ANO6: variants seen among roughly 807,000 people sequenced by gnomAD.
ANO6 encodes the protein anoctamin-6.
In ANO6, 106 loss-of-function variants were observed where a neutral mutation model predicts 117.5. That is an observed-to-expected ratio of 0.90 (90% CI 0.77 to 1.06). The LOEUF (loss-of-function observed/expected upper bound fraction) is 1.06. Among genes scored for constraint, ANO6 ranks in the 50% least tolerant of loss-of-function variants. The probability of loss-of-function intolerance (pLI) is 0.00; values close to 1 mark genes in which losing one functional copy is unlikely to be tolerated. For missense variants in ANO6, 955 were observed against 1,121.1 expected (o/e 0.85, Z 2.12); for synonymous variants, 367 against 385.1 (o/e 0.95, Z 0.55).
chr12:45,351,910 G>A (rs1941290033), intron 7 of ANO6, among the ~76,000 whole-genome samples: 1 of 152,042 alleles, frequency 6.6e-6, no homozygotes, highest in African/African-American at 2.4e-5. Context: ...GGATTATAAG[G>A]GGTACAGGGA....
At chr12:45,270,516 C>A in intron 1 of ANO6, 1 of 1,206,422 alleles carries the variant, frequency 8.3e-7, no homozygotes, top group Non-Finnish European at 1.2e-6. Context: ...CACCTCCCAT[C>A]CAGCCTGGGT....
At chr12:45,313,789 G>A (rs140950587) in intron 2 of ANO6, among the ~76,000 whole-genome samples, 464 of 152,170 alleles carry the variant, frequency 3.0e-3, no homozygotes, top group Non-Finnish European at 5.9e-3. Context: ...AAATAAATAT[G>A]TTGAGCACTT....
chr12:45,345,950 G>A (rs1329497068), intron 3 of ANO6, among the ~76,000 whole-genome samples: 1 of 150,302 alleles, frequency 6.7e-6, no homozygotes, highest in Non-Finnish European at 1.5e-5. Flanking sequence ...CCACGGTGGT[G>A]GGGGAGAGAG....
intron 15 of ANO6, among the ~76,000 whole-genome samples, chr12:45,408,646 T>G (rs1195165308): frequency 4.6e-5 from 7 of 152,164 alleles, no homozygotes; most frequent in Non-Finnish European, 7.3e-5. Context: ...TGGACCTATT[T>G]TATCTAAAGT....
At chr12:45,244,944 C>T (rs945558633) in intron 1 of ANO6, among the ~76,000 whole-genome samples, 80 of 152,136 alleles carry the variant, frequency 5.3e-4, no homozygotes, top group African/African-American at 1.6e-3. Flanking sequence ...AAAGGTTCAG[C>T]GGTATCCCTA....
At chr12:45,418,684 C>G (rs756130291) in intron 17 of ANO6, among the ~76,000 whole-genome samples, 1 of 152,144 alleles carries the variant, frequency 6.6e-6, no homozygotes, top group Non-Finnish European at 1.5e-5. Context: ...TGCCATGGCT[C>G]TACTCCATGA....
At chr12:45,239,114 T>C (rs1052313176) in intron 1 of ANO6, among the ~76,000 whole-genome samples, 1 of 152,240 alleles carries the variant, frequency 6.6e-6, no homozygotes, top group African/African-American at 2.4e-5. Context: ...TCAGAAGGAA[T>C]GGTACCAGCT....
intron 7 of ANO6, among the ~76,000 whole-genome samples, chr12:45,356,260 C>T (rs139284522): frequency 3.9e-5 from 6 of 152,224 alleles, no homozygotes; most frequent in African/African-American, 9.6e-5. Context: ...CATATGCATC[C>T]TTCCCTCTTT....
chr12:45,237,403 A>AGGTGTAAGGAAG (rs749576839), intron 1 of ANO6, among the ~76,000 whole-genome samples: 132 of 152,270 alleles, frequency 8.7e-4, no homozygotes, highest in Non-Finnish European at 1.0e-3. Flanking sequence ...TTTTTGTATA[A>AGGTGTAAGGAAG]GGTGTAAGGA....
At chr12:45,400,972 T>A (rs887048321) in intron 12 of ANO6, among the ~76,000 whole-genome samples, 2 of 152,232 alleles carry the variant, frequency 1.3e-5, no homozygotes, top group Non-Finnish European at 2.9e-5. Flanking sequence ...GCGCCTTTAA[T>A]GTGCGTCGTT....
Position 45,257,777 on chromosome 12 carries a change from C to T in ANO6, c.70+41386C>T, listed in dbSNP as rs1346066944. Among the ~76,000 whole-genome samples the T allele has an allele frequency of 2.6e-5, 4 of 152,144 alleles. No homozygotes were observed. The East Asian group carries it at 7.7e-4, about 29-fold the overall frequency. ...CATACTGTTGCCAAATTTATCTGTC[C>T]AAAGCATATATCTGAACATGCCACC... is the stretch of plus-strand genomic sequence containing the variant. On this transcript the variant is annotated intron_variant, in intron 1 of 19. Coordinates refer to ENST00000320560, the MANE Select transcript of ANO6 (RefSeq NM_001025356.3).
At chr12:45,263,842 C>T (rs936120871) in intron 1 of ANO6, among the ~76,000 whole-genome samples, 5 of 152,182 alleles carry the variant, frequency 3.3e-5, no homozygotes, top group African/African-American at 1.2e-4. Context: ...GTTCACTGTG[C>T]GTGCTGACAG....
intron 1 of ANO6, among the ~76,000 whole-genome samples, chr12:45,269,163 C>G (rs1265622690): frequency 6.6e-6 from 1 of 152,196 alleles, no homozygotes; most frequent in Admixed American, 6.5e-5. Context: ...ATTTTATAAG[C>G]TGTGCCATAG....
At chr12:45,328,294 C>G (rs1940540599) in intron 2 of ANO6, among the ~76,000 whole-genome samples, 1 of 152,214 alleles carries the variant, frequency 6.6e-6, no homozygotes, top group East Asian at 1.9e-4. Context: ...CCTTTCCTCC[C>G]CACCCCAGCT....
chr12:45,289,235 C>T (rs1294656044), intron 1 of ANO6, among the ~76,000 whole-genome samples: 3 of 147,348 alleles, frequency 2.0e-5, no homozygotes, highest in South Asian at 4.3e-4. Flanking sequence ...GGTGCAATCT[C>T]AGCTCACTGC....
At position 45,429,091 on chromosome 12, in the gene ANO6, C is replaced by T. The variant is rs778866314; in HGVS notation, c.2527-14C>T. 6 of 1,612,226 alleles carry T rather than the reference C, an allele frequency of 3.7e-6. No homozygotes were observed. Among genetic ancestry groups the T allele is most frequent in the African/African-American group, 1.3e-5 (1 of 74,974 alleles). On this transcript the variant is annotated splice_polypyrimidine_tract_variant and intron_variant, in intron 19 of 19. Transcript: ENST00000320560. ...TTTCTTTGTGAGTGACATTTTTCTT[C>T]TTCTCTTCCCCAGCACGTCATCTAC...
chr12:45,248,580 C>A (rs1418347054), intron 1 of ANO6, among the ~76,000 whole-genome samples: 2 of 151,734 alleles, frequency 1.3e-5, no homozygotes, highest in Non-Finnish European at 2.9e-5. Flanking sequence ...ATTACAGGTG[C>A]ACGCCACCAA....
In ANO6 at chr12:45,403,426, T is replaced by C. The variant is rs117316516; in HGVS notation, c.1783-13T>C. 0.023 allele frequency: 36,713 copies of C among 1,605,022 alleles called. 695 individuals carry two copies. Among genetic ancestry groups the C allele is most frequent in the South Asian group, 0.07 (6,360 of 90,878 alleles). On this transcript the variant is annotated splice_polypyrimidine_tract_variant and intron_variant, in intron 14 of 19. Transcript: ENST00000320560. ...TTGAATATTTAAATGGTATTTTCTT[T>C]TTAACCTTCTAGTGTGACCCAGGTG...
Position 45,431,142 on chromosome 12 carries a change from C to G in ANO6, c.*1831C>G. 1 of 985,276 alleles carries G rather than the reference C, an allele frequency of 1.0e-6. No homozygotes were observed. Among genetic ancestry groups the G allele is most frequent in the South Asian group, 4.7e-5 (1 of 21,284 alleles). The allele number at this position is 985,276 out of a possible 1,614,324, so 61.0% of individuals were successfully genotyped here. On this transcript the variant is annotated 3_prime_UTR_variant, in exon 20 of 20. Transcript: ENST00000320560. ...ACCCCATTTCACTGTCTCTCTTGAT[C>G]GTGTTAATGATGCAATCAGAGTTCA...
Sources: allele counts gnomAD v4.1 joint callset (sites outside exome capture counted in the v4.1 genomes callset), GRCh38; gene constraint gnomAD v4.1.1; transcripts MANE v1.5; gene names NCBI Gene and HGNC (gene_info 2026-07-23, HGNC 2026-07-21).